The following SGCZ variants were observed in gnomAD, a reference collection of about 807,000 sequenced individuals.
SGCZ encodes the protein zeta-sarcoglycan.
In SGCZ, 40 loss-of-function variants were observed where a neutral mutation model predicts 41.3. The observed-to-expected ratio is 0.97, with a 90% confidence interval of 0.75 to 1.26. The LOEUF is 1.26. Among genes scored for constraint, SGCZ ranks in the 50% most tolerant of loss-of-function variants. SGCZ has a pLI of 0.00. For missense variants in SGCZ, 552 were observed against 369.8 expected (o/e 1.49, Z -4.04); for synonymous variants, 206 against 137.5 (o/e 1.50, Z -3.49).
intron 2 of SGCZ, among the ~76,000 whole-genome samples, chr8:14,380,572 G>C (rs1191751001): frequency 6.6e-6 from 1 of 152,146 alleles, no homozygotes; most frequent in Admixed American, 6.5e-5. Flanking sequence ...GTGCAATGTA[G>C]GCCAGGCGTG....
chr8:14,895,174 T>C (rs1481764423), intron 1 of SGCZ, among the ~76,000 whole-genome samples: 4 of 152,178 alleles, frequency 2.6e-5, no homozygotes, highest in Non-Finnish European at 5.9e-5. Context: ...TAATTATTGA[T>C]TTTATTAATA....
At chr8:14,912,084 C>CT (rs142004434) in intron 1 of SGCZ, among the ~76,000 whole-genome samples, 53,310 of 151,706 alleles carry the variant, frequency 0.35, 12,079 homozygotes, top group African/African-American at 0.65. Context: ...CTATTTGTTT[C>CT]TGTTTCTAGA....
At chr8:14,114,303 C>A (rs1802458633) in intron 5 of SGCZ, among the ~76,000 whole-genome samples, 1 of 151,966 alleles carries the variant, frequency 6.6e-6, no homozygotes, top group African/African-American at 2.4e-5. Context: ...CCTTGTTTAA[C>A]ACTTTAACAC....
chr8:14,856,693 A>T (rs1333714983), intron 1 of SGCZ, among the ~76,000 whole-genome samples: 1 of 152,192 alleles, frequency 6.6e-6, no homozygotes, highest in Non-Finnish European at 1.5e-5. Flanking sequence ...AATCAGAGTC[A>T]CTGGGCAGGG....
chr8:14,875,238 A>G (rs1261118114), intron 1 of SGCZ, among the ~76,000 whole-genome samples: 2 of 152,196 alleles, frequency 1.3e-5, no homozygotes, highest in African/African-American at 4.8e-5. Flanking sequence ...ATGACAGAAG[A>G]CACAGAAAGG....
chr8:14,442,750 C>T (rs1800308982), intron 2 of SGCZ, among the ~76,000 whole-genome samples: 1 of 152,118 alleles, frequency 6.6e-6, no homozygotes, highest in Non-Finnish European at 1.5e-5. Flanking sequence ...CATTGATTGA[C>T]CTTAGGTTTT....
chr8:15,150,293 C>T (rs753697340), intron 1 of SGCZ, among the ~76,000 whole-genome samples: 1 of 152,122 alleles, frequency 6.6e-6, no homozygotes, highest in Non-Finnish European at 1.5e-5. Flanking sequence ...AAAATTAAAA[C>T]TGTCAGCTAT....
chr8:14,949,263 T>A (rs889033448), intron 1 of SGCZ, among the ~76,000 whole-genome samples: 1 of 152,174 alleles, frequency 6.6e-6, no homozygotes, highest in African/African-American at 2.4e-5. Flanking sequence ...ATTTTCGCCT[T>A]TCAAGGAAGA....
chr8:14,892,227 C>A lies in SGCZ; in HGVS notation c.40-337301G>T, dbSNP rs114852397. Among the ~76,000 whole-genome samples, 1,364 of 152,266 alleles carry A rather than the reference C, an allele frequency of 9.0e-3. 15 individuals carry two copies. Among genetic ancestry groups the A allele is most frequent in the African/African-American group, 0.031 (1,275 of 41,544 alleles). On this transcript the variant is annotated intron_variant, in intron 1 of 7. Transcript: ENST00000382080. ...TTATTAGGCCCAATTACCAAACACG[C>A]CCTAGGCCTTCAGGTAATGTAACAT... is the stretch of plus-strand genomic sequence containing the variant.
intron 5 of SGCZ, among the ~76,000 whole-genome samples, chr8:14,110,977 C>T (rs1802353668): frequency 6.6e-6 from 1 of 151,978 alleles, no homozygotes; most frequent in South Asian, 2.1e-4. Flanking sequence ...TAGTTTGAAC[C>T]TGGGAGGCAA....
chr8:14,410,400 G>GGA (rs566436950), intron 2 of SGCZ, among the ~76,000 whole-genome samples: 1 of 145,724 alleles, frequency 6.9e-6, no homozygotes. Context: ...AATAATTTAA[G>GGA]AAAAAAAAAA....
intron 1 of SGCZ, among the ~76,000 whole-genome samples, chr8:14,563,786 C>T (rs898707329): frequency 2.0e-5 from 3 of 152,208 alleles, no homozygotes; most frequent in African/African-American, 4.8e-5. Flanking sequence ...CTGTTGAGAA[C>T]CTATTATCTC....
chr8:15,168,711 T>G (rs1478596708), intron 1 of SGCZ, among the ~76,000 whole-genome samples: 1 of 152,206 alleles, frequency 6.6e-6, no homozygotes, highest in Non-Finnish European at 1.5e-5. Flanking sequence ...CCTGAACCCC[T>G]GGGACTCCTT....
chr8:14,313,910 CTGTGTGTGTGTG>C (rs34489718), intron 3 of SGCZ, among the ~76,000 whole-genome samples: 8,400 of 144,894 alleles, frequency 0.058, 615 homozygotes, highest in African/African-American at 0.18. Context: ...TATCATCTCT[CTGTGTGTGTGTG>C]TGTGTGTGTG....
At chr8:14,465,877 C>G (rs543266388) in intron 2 of SGCZ, among the ~76,000 whole-genome samples, 2 of 151,902 alleles carry the variant, frequency 1.3e-5, no homozygotes, top group African/African-American at 4.8e-5. Flanking sequence ...ACATTAGTCT[C>G]TTATGAGGAA....
intron 3 of SGCZ, among the ~76,000 whole-genome samples, chr8:14,263,493 G>T: frequency 6.6e-6 from 1 of 152,100 alleles, no homozygotes; most frequent in Non-Finnish European, 1.5e-5. Context: ...ATGTTGCAGT[G>T]AGCCACGATG....
At chr8:14,492,996 T>G (rs1381411) in intron 2 of SGCZ, among the ~76,000 whole-genome samples, 73,997 of 151,872 alleles carry the variant, frequency 0.49, 18,214 homozygotes, top group Admixed American at 0.54. Context: ...ACCCCCCAAC[T>G]CTCTAACCTG....
chr8:14,416,185 T>A (rs1373983529), intron 2 of SGCZ, among the ~76,000 whole-genome samples: 8 of 151,866 alleles, frequency 5.3e-5, no homozygotes, highest in Middle Eastern at 3.2e-3. Flanking sequence ...CACACACTTT[T>A]ATATCAGAAT....
At chr8:14,199,246 G>A (rs536531379) in intron 4 of SGCZ, among the ~76,000 whole-genome samples, 252 of 152,258 alleles carry the variant, frequency 1.7e-3, no homozygotes, top group African/African-American at 6.0e-3. Context: ...TTTGGCGATG[G>A]CTGTCATAGC....
Sources: gnomAD v4.1 joint callset for allele counts (sites outside exome capture counted in the v4.1 genomes callset) on GRCh38, gnomAD v4.1.1 for gene constraint, MANE v1.5 for transcripts, NCBI Gene and HGNC (gene_info 2026-07-23, HGNC 2026-07-21) for gene names.